Variants in CCNL2 observed in about 807,000 individuals in gnomAD.
CCNL2 encodes cyclin L2.
A neutral mutation model predicts 59.1 loss-of-function variants in CCNL2; 28 were observed. The observed-to-expected ratio is 0.47, with a 90% confidence interval of 0.35 to 0.65. The LOEUF (loss-of-function observed/expected upper bound fraction) is 0.65, where lower values mean the gene tolerates loss of function less well. CCNL2 is among the 30% of genes least tolerant of loss of function. The pLI is 0.00. For synonymous variants in CCNL2, 342 were observed against 288.6 expected (o/e 1.19, Z -1.88); for missense variants, 714 against 717.4 (o/e 1.00, Z 0.05).
chr1:1,396,787 C>T (rs1217870995), intron 3 of CCNL2, among the ~76,000 whole-genome samples: 3 of 146,042 alleles, frequency 2.1e-5, no homozygotes, highest in South Asian at 2.2e-4. Flanking sequence ...CTTGCTCTGT[C>T]GCCCAGGCTG....
intron 3 of CCNL2, among the ~76,000 whole-genome samples, chr1:1,397,790 A>G (rs1301288432): frequency 6.6e-6 from 1 of 152,154 alleles, no homozygotes; most frequent in Non-Finnish European, 1.5e-5. Flanking sequence ...TCTTGAGCCT[A>G]GGAGGTTGAG....
intron 8 of CCNL2, chr1:1,388,649 C>T (rs1201131962): frequency 9.6e-6 from 4 of 417,842 alleles, no homozygotes; most frequent in African/African-American, 6.2e-5. Context: ...TGGGCGCCTG[C>T]AATCCCAGCT....
At chr1:1,391,448 G>A (rs1644757020) in intron 5 of CCNL2, 3 of 1,239,562 alleles carry the variant, frequency 2.4e-6, no homozygotes, top group Middle Eastern at 2.3e-4. Flanking sequence ...ACTTGGAAGA[G>A]GGAAAAGCCC....
intron 5 of CCNL2, chr1:1,392,558 A>C (rs1644816338): frequency 1.0e-5 from 14 of 1,386,298 alleles, no homozygotes; most frequent in Non-Finnish European, 1.3e-5. Flanking sequence ...GACAAAATTC[A>C]AGTCAAGACA....
intron 5 of CCNL2, chr1:1,392,679 C>T: frequency 6.5e-7 from 1 of 1,549,810 alleles, no homozygotes; most frequent in South Asian, 1.2e-5. Flanking sequence ...ATGTGCGTAC[C>T]ACCAGTCTAG....
In CCNL2 at chr1:1,399,283, A is replaced by C; in HGVS notation, c.24T>G (p.Ala8=). The C allele has an allele frequency of 6.8e-7, 1 of 1,470,890 alleles. No individual in the cohort carries two copies. 91.1% of individuals were successfully genotyped at this position (1,470,890 alleles called of 1,614,324 possible). The change falls in exon 1 of 11, where the codon GCT becomes GCG. Residue 8 remains alanine, a synonymous_variant. Coordinates refer to ENST00000400809, the MANE Select transcript of CCNL2 (RefSeq NM_030937.6). MAAAAAA[A]GAAGSAAPAA... Reference sequence around the variant, plus strand: ...CGGGAGCTGCCGACCCTGCAGCACCAGCCGCCGCCGCCGCCGCCGCCATTT... The same window carrying C: ...CGGGAGCTGCCGACCCTGCAGCACCCGCCGCCGCCGCCGCCGCCGCCATTT...
rs1048097769 is a variant in CCNL2, at chr1:1,387,138, C to A, written c.*93G>T. 6.2e-5 allele frequency: 61 copies of A among 982,420 alleles called. No homozygotes were observed. The highest frequency in any genetic ancestry group is 8.3e-5 in the Non-Finnish European group (54 of 652,170). The allele number at this position is 982,420 out of a possible 1,614,324, so 60.9% of individuals were successfully genotyped here. A position where few individuals can be genotyped will look rare whatever the true frequency, so the allele number is the denominator to read the frequency against. On this transcript the variant is annotated 3_prime_UTR_variant, in exon 11 of 11. Coordinates refer to ENST00000400809, the MANE Select transcript of CCNL2 (RefSeq NM_030937.6). ...GGACCACTTGCGCTGAGAGCACACC[C>A]GGGGGTCAAAGGGCAGCCACCGGGG...
At position 1,390,454 on chromosome 1, in the gene CCNL2, A is replaced by C. The variant is rs774058026; in HGVS notation, c.864+5T>G. On this transcript the variant is annotated splice_donor_5th_base_variant and intron_variant, in intron 7 of 10. Transcript: ENST00000400809. ...CATACGTTACATGAAAAAATGCCGA[A>C]GAACCTTTTTCCGAGCATAAAGCTG... 3.6e-5 allele frequency: 58 copies of C among 1,612,894 alleles called. No individual in the cohort carries two copies. The highest frequency in any genetic ancestry group is 4.6e-5 in the Non-Finnish European group (54 of 1,179,522).
intron 5 of CCNL2, 79 bp downstream of exon 5, chr1:1,393,317 C>A: frequency 1.7e-6 from 2 of 1,164,918 alleles, no homozygotes; most frequent in Non-Finnish European, 2.6e-6. Flanking sequence ...GGGCTGCCTA[C>A]CCACTGCCCA....
chr1:1,397,648 G>A (rs1031289509), intron 3 of CCNL2, among the ~76,000 whole-genome samples: 4 of 152,138 alleles, frequency 2.6e-5, no homozygotes, highest in Admixed American at 2.6e-4. Context: ...AATCCTTGGA[G>A]CCCAGGAATT....
rs1050108307 is a variant in CCNL2 at position 1,386,371 on chromosome 1, A to C, written c.*860T>G. 2.0e-5 allele frequency: 3 copies of C among 152,300 alleles called. No homozygotes were observed. The highest frequency in any genetic ancestry group is 4.4e-5 in the Non-Finnish European group (3 of 68,058). The allele number at this position is 152,300 out of a possible 1,614,324, so 9.4% of individuals were successfully genotyped here. The stretch of plus-strand genomic sequence containing the variant: ...GCAGGCACACAGGATTGGATGCAAA[A>C]TCCAAAACTTCAGTACAGCAGGGAG... On this transcript the variant is annotated 3_prime_UTR_variant, in exon 11 of 11. Coordinates refer to ENST00000400809, the MANE Select transcript of CCNL2 (RefSeq NM_030937.6).
Position 1,387,494 on chromosome 1 carries a change from G to C in CCNL2, c.1300C>G (p.Arg434Gly). Residue 434 changes from arginine (R) to glycine (G), a missense_variant, in exon 11 of 11, where the codon CGC (arginine) becomes GGC (glycine). Transcript: ENST00000400809. The stretch of plus-strand genomic sequence containing the variant: ...TCAGAGCCTTTGTAGGGAGCGCTGC[G>C]GGGGGCCTGTCTCGGTGGGGAGTCA... The part of the protein sequence containing the change: ...RSDSPPRQAP[R>G]SAPYKGSEIR... The C allele has an allele frequency of 1.3e-6, 2 of 1,595,134 alleles. No homozygotes were observed. Among genetic ancestry groups the C allele is most frequent in the Non-Finnish European group, 1.7e-6 (2 of 1,170,920 alleles).
rs1350424305 is a variant in CCNL2, at chr1:1,398,948, A to G, written c.288+71T>C. On this transcript the variant is annotated intron_variant, in intron 1 of 10. Coordinates refer to ENST00000400809, the MANE Select transcript of CCNL2 (RefSeq NM_030937.6). ...TCTAGGCGGGGGCGGTGCGGGCCCG[A>G]CTCGCCGCCAACAAAGGCGGCTGCC... The G allele has an allele frequency of 4.7e-6, 7 of 1,484,516 alleles. No individual in the cohort carries two copies. In the East Asian group the frequency reaches 1.3e-4, roughly 27 times the overall value. 92.0% of individuals were successfully genotyped at this position (1,484,516 alleles called of 1,614,324 possible).
chr1:1,388,772 G>GAA (rs775917140), intron 8 of CCNL2: 6,450 of 155,048 alleles, frequency 0.042, no homozygotes, highest in South Asian at 0.065. Context: ...CTCCGTCTCA[G>GAA]AAAAAAAAAA....
chr1:1,398,930 G>T (rs1005366170), intron 1 of CCNL2, 89 bp downstream of exon 1: 30 of 1,461,452 alleles, frequency 2.1e-5, no homozygotes, highest in Admixed American at 1.0e-4. Flanking sequence ...GGGTCTAGGC[G>T]GGGGCGGTGC....
intron 3 of CCNL2, among the ~76,000 whole-genome samples, chr1:1,397,062 A>G (rs556652819): frequency 1.3e-5 from 2 of 151,866 alleles, no homozygotes; most frequent in African/African-American, 4.8e-5. Flanking sequence ...TTGTGTTCTT[A>G]ATAGGGACAG....
rs749003888 is a variant in CCNL2, at chr1:1,398,239, T to C, written c.467A>G (p.Asp156Gly). The C allele has an allele frequency of 2.5e-6, 4 of 1,614,198 alleles. No homozygotes were observed. The highest frequency in any genetic ancestry group is 2.5e-6 in the Non-Finnish European group (3 of 1,180,006). The stretch of plus-strand genomic sequence containing the variant: ...ACAGCTCTGACTGACTCACTTTTTG[T>C]CTCTCAGCTGTCGAAGGCGGTGAAA... The part of the protein sequence containing the change: ...NVFHRLRQLR[D>G]KKKPVPLLLD... Residue 156 changes from aspartate (D) to glycine (G), a missense_variant, in exon 3 of 11, where the codon GAC (aspartate) becomes GGC (glycine). This residue lies in a region of CCNL2 where 270 missense variants were observed against 254.9 expected (regional missense o/e 1.06). Transcript: ENST00000400809.
chr1:1,396,937 CG>C (rs1645067766), intron 3 of CCNL2, among the ~76,000 whole-genome samples: 1 of 151,830 alleles, frequency 6.6e-6, no homozygotes, highest in South Asian at 2.1e-4. Context: ...TTTTAGTAGA[CG>C]GGGTTTCACC....
rs937426332 is a variant in CCNL2, at chr1:1,387,081, C to A, written c.*150G>T. On this transcript the variant is annotated 3_prime_UTR_variant, in exon 11 of 11. Coordinates refer to ENST00000400809, the MANE Select transcript of CCNL2 (RefSeq NM_030937.6). ...ATTTCCAAATCCACCAAGGTCCAGT[C>A]GACAGACATTTCCAAAAAGAATCCT... The A allele has an allele frequency of 9.7e-6, 6 of 618,230 alleles. 1 individual carries two copies. The South Asian group carries it at 1.3e-4, about 14-fold the overall frequency. The allele number at this position is 618,230 out of a possible 1,614,324, so 38.3% of individuals were successfully genotyped here.
Sources: gnomAD v4.1 joint callset for allele counts (sites outside exome capture counted in the v4.1 genomes callset) on GRCh38, gnomAD v4.1.1 for gene constraint, gnomAD v4.1.1 regional missense constraint, MANE v1.5 for transcripts, NCBI Gene and HGNC (gene_info 2026-07-23, HGNC 2026-07-21) for gene names.